Variants in NDRG4 observed in about 807,000 individuals in gnomAD.
The protein encoded by NDRG4 is NDRG family member 4.
Under a neutral mutation model 55.8 loss-of-function variants are expected in NDRG4, and 38 were observed. That is an observed-to-expected ratio of 0.68 (90% confidence interval 0.53 to 0.89). NDRG4 has a LOEUF of 0.89. NDRG4 is among the 40% of genes least tolerant of loss of function. NDRG4 has a pLI of 0.00. For synonymous variants in NDRG4, 190 were observed against 182.7 expected (o/e 1.04, Z -0.32); for missense variants, 455 against 468.6 (o/e 0.97, Z 0.27).
intron 1 of NDRG4, among the ~76,000 whole-genome samples, chr16:58,487,314 A>C (rs2035208683): frequency 6.6e-6 from 1 of 152,176 alleles, no homozygotes; most frequent in African/African-American, 2.4e-5. Context: ...TGAGGTCAGG[A>C]GTTTGAGACC....
intron 1 of NDRG4, among the ~76,000 whole-genome samples, chr16:58,486,186 C>T (rs776953212): frequency 6.6e-6 from 1 of 152,154 alleles, no homozygotes. Flanking sequence ...ATTTGAGACA[C>T]GGTCTTGCTC....
chr16:58,471,177 T>C lies in NDRG4; in HGVS notation c.-24+7380T>C, dbSNP rs139031373. 6.3e-3 allele frequency among the ~76,000 whole-genome samples: 923 copies of C among 146,514 alleles called. 12 individuals are homozygous for C. The highest frequency in any genetic ancestry group is 0.022 in the African/African-American group (886 of 39,602). On this transcript the variant is annotated intron_variant, in intron 1 of 15. Coordinates refer to the NDRG4 transcript ENST00000258187. ...ACCTCCAGAACTATAAGAGAATGAA[T>C]GTGTGTTGCTTTTTTTTTTTTTTTT...
intron 1 of NDRG4, among the ~76,000 whole-genome samples, chr16:58,474,243 A>G (rs1478455820): frequency 6.6e-6 from 1 of 151,884 alleles, no homozygotes; most frequent in Non-Finnish European, 1.5e-5. Flanking sequence ...GGGTTTCACC[A>G]TGTTGGCCAG....
intron 1 of NDRG4, among the ~76,000 whole-genome samples, chr16:58,485,754 G>A (rs2035015678): frequency 6.6e-6 from 1 of 152,110 alleles, no homozygotes; most frequent in South Asian, 2.1e-4. Context: ...ACTCCAGCAT[G>A]GCACGTGCAC....
At chr16:58,482,856 C>T (rs2151647038) in intron 1 of NDRG4, among the ~76,000 whole-genome samples, 1 of 151,908 alleles carries the variant, frequency 6.6e-6, no homozygotes, top group Non-Finnish European at 1.5e-5. Context: ...GAGTGCAGCT[C>T]ACTGCAACCT....
chr16:58,493,880 C>T (rs2036077978), intron 2 of NDRG4, among the ~76,000 whole-genome samples: 1 of 152,194 alleles, frequency 6.6e-6, no homozygotes, highest in African/African-American at 2.4e-5. Context: ...TCTTGTTGTA[C>T]AGATGGGGAG....
chr16:58,505,145 C>G (rs183378252), intron 5 of NDRG4, among the ~76,000 whole-genome samples: 174 of 152,026 alleles, frequency 1.1e-3, no homozygotes, highest in East Asian at 3.1e-3. Flanking sequence ...GTCAGGAGAT[C>G]AAGACCATCC....
At chr16:58,504,030 G>A in intron 2 of NDRG4, 124 bp from the exon 3 acceptor site, 3 of 1,567,754 alleles carry the variant, frequency 1.9e-6, no homozygotes, top group East Asian at 4.5e-5. Flanking sequence ...TTCGCCCTCC[G>A]GGCCTCCATT....
Position 58,464,865 on chromosome 16 carries a change from T to C in NDRG4, c.-24+1068T>C. On this transcript the variant is annotated intron_variant, in intron 1 of 15. Transcript: ENST00000258187. This position sits in a 1 kb window ranked among gnomAD's most constrained non-coding sequence, Gnocchi z 4.8. The stretch of plus-strand genomic sequence containing the variant: ...CTTATTTCTGCGCCCTGTGACAATC[T>C]GAGCCGTCTTTCTCTGGGGGAGAAG... The C allele has an allele frequency of 8.3e-7, 1 of 1,203,376 alleles. No individual in the cohort carries two copies. The highest frequency in any genetic ancestry group is 1.0e-6 in the Non-Finnish European group (1 of 956,508). The allele number at this position is 1,203,376 out of a possible 1,614,324, so 74.5% of individuals were successfully genotyped here. A position where few individuals can be genotyped will look rare whatever the true frequency, so the allele number is the denominator to read the frequency against.
At chr16:58,478,130 C>T (rs531947886) in intron 1 of NDRG4, among the ~76,000 whole-genome samples, 5 of 152,316 alleles carry the variant, frequency 3.3e-5, no homozygotes, top group Admixed American at 2.6e-4. Context: ...GTGGCTCACG[C>T]CTGTAATCCC....
chr16:58,505,371 A>C (rs980179847), intron 5 of NDRG4, among the ~76,000 whole-genome samples: 4 of 151,780 alleles, frequency 2.6e-5, no homozygotes, highest in African/African-American at 9.7e-5. Flanking sequence ...AAATAAAAAA[A>C]ATCATTGTTG....
downstream of NDRG4, chr16:58,515,365 T>C: frequency 1.5e-6 from 1 of 676,428 alleles, no homozygotes; most frequent in Non-Finnish European, 2.3e-6. Context: ...CAATTGGAGA[T>C]CCTGGACTCA....
chr16:58,502,941 C>T (rs1470666321), intron 1 of NDRG4, among the ~76,000 whole-genome samples: 1 of 152,224 alleles, frequency 6.6e-6, no homozygotes, highest in Non-Finnish European at 1.5e-5. Context: ...AGCATAACAG[C>T]CCCCTTTCTG....
chr16:58,474,273 C>T (rs2033311492), intron 1 of NDRG4, among the ~76,000 whole-genome samples: 1 of 152,090 alleles, frequency 6.6e-6, no homozygotes, highest in Non-Finnish European at 1.5e-5. Context: ...GAACTCCTGG[C>T]CTCAAGCCGT....
Position 58,513,168 on chromosome 16 carries a change from A to ACG in NDRG4, c.*1592_*1593insCG, listed in dbSNP as rs1555490231. On this transcript the variant is annotated 3_prime_UTR_variant, in exon 15 of 15. Coordinates refer to ENST00000570248, the MANE Select transcript of NDRG4 (RefSeq NM_001242835.2). ...GTATCTATAAATATCTATACATTAT[A>ACG]TGTGTGTGTGTGTGTGTGTGTGTGT... The ACG allele has an allele frequency of 1.3e-5, 2 of 150,136 alleles. No homozygotes were observed. The highest frequency in any genetic ancestry group is 4.9e-5 in the African/African-American group (2 of 40,466). 9.3% of individuals were successfully genotyped at this position (150,136 alleles called of 1,614,324 possible).
intron 1 of NDRG4, among the ~76,000 whole-genome samples, chr16:58,474,491 C>G (rs2033354820): frequency 6.6e-6 from 1 of 152,200 alleles, no homozygotes; most frequent in Non-Finnish European, 1.5e-5. Flanking sequence ...TGCTTGCCTC[C>G]CCTTCTCAGC....
At chr16:58,514,564 C>G (rs2039058258), downstream of NDRG4, among the ~76,000 whole-genome samples, 1 of 151,896 alleles carries the variant, frequency 6.6e-6, no homozygotes, top group African/African-American at 2.4e-5. Context: ...CGGTGAAACC[C>G]CGACTCTACT....
At chr16:58,467,135 G>A (rs774390585) in intron 1 of NDRG4, among the ~76,000 whole-genome samples, 4 of 152,158 alleles carry the variant, frequency 2.6e-5, no homozygotes, top group Non-Finnish European at 4.4e-5. Context: ...CGGCATCTAC[G>A]TCTCTAGGAT....
chr16:58,485,037 A>G (rs2034929750), intron 1 of NDRG4, among the ~76,000 whole-genome samples: 1 of 151,834 alleles, frequency 6.6e-6, no homozygotes, highest in South Asian at 2.1e-4. Context: ...ACCCACCACC[A>G]TGCCCAGCTA....
Sources: gnomAD v4.1 joint callset for allele counts (sites outside exome capture counted in the v4.1 genomes callset) on GRCh38, gnomAD v4.1.1 for gene constraint, Gnocchi (gnomAD v3.1) non-coding constraint, MANE v1.5 for transcripts, NCBI Gene and HGNC (gene_info 2026-07-23, HGNC 2026-07-21) for gene names.